Variants in PAM observed in about 807,000 individuals in gnomAD.
PAM encodes peptidyl-glycine alpha-amidating monooxygenase.
A neutral mutation model predicts 122.1 loss-of-function variants in PAM; 72 were observed. The ratio of observed to expected loss-of-function variants is 0.59; its 90% CI spans 0.49 to 0.72. The LOEUF is 0.72. PAM is among the 30% of genes least tolerant of loss of function. The probability of loss-of-function intolerance (pLI) is 0.00; values close to 1 mark genes in which losing one functional copy is unlikely to be tolerated. For missense variants in PAM, 1,106 were observed against 1,183.7 expected, an observed-to-expected ratio of 0.93 and a Z score of 0.96; for synonymous variants, 389 against 404.4, an observed-to-expected ratio of 0.96 and a Z score of 0.46.
chr5:102,906,826 G>A lies in PAM; in HGVS notation c.268+5413G>A, dbSNP rs547872383. 5.3e-5 allele frequency among the ~76,000 whole-genome samples: 8 copies of A among 151,812 alleles called. No individual in the cohort carries two copies. In the South Asian group the frequency reaches 1.7e-3, roughly 31 times the overall value. The stretch of plus-strand genomic sequence containing the variant: ...GAGGACTGGCACAATGTTACGCATA[G>A]CCCTAAAAGGCTAAGGGTATGGGCT... On this transcript the variant is annotated intron_variant, in intron 4 of 25. Transcript: ENST00000438793.
At position 102,908,836 on chromosome 5, in the gene PAM, C is replaced by CAG. The variant is rs1240103168; in HGVS notation, c.269-5097_269-5096dup. ...GCTTCATGGTTATGGGGAAAGCTTG[C>CAG]AGGAGATAATGTAATATGCCATTGT... On this transcript the variant is annotated intron_variant, in intron 4 of 25. Transcript: ENST00000438793. 8.6e-5 allele frequency among the ~76,000 whole-genome samples: 13 copies of CAG among 151,588 alleles called. No individual in the cohort carries two copies. In the East Asian group the frequency reaches 2.5e-3, roughly 30 times the overall value.
intron 21 of PAM, among the ~76,000 whole-genome samples, chr5:103,015,137 G>A (rs1025226046): frequency 6.6e-6 from 1 of 152,070 alleles, no homozygotes; most frequent in African/African-American, 2.4e-5. Flanking sequence ...CTCAAACCTA[G>A]GTCTTTCTGA....
chr5:102,864,163 C>CATAT lies in PAM; in HGVS notation c.-373-1641_-373-1638dup, dbSNP rs373189336. On this transcript the variant is annotated intron_variant, in intron 1 of 25. Transcript: ENST00000438793. ...AAATATTAAAATATAATCCCTTCTT[C>CATAT]ATATATATATATATATATATATTTT... is the stretch of plus-strand genomic sequence containing the variant. Among the ~76,000 whole-genome samples, 394 of 140,602 alleles carry CATAT rather than the reference C, an allele frequency of 2.8e-3. 1 individual carries two copies. The highest frequency in any genetic ancestry group is 3.5e-3 in the Non-Finnish European group (226 of 65,262). 92.2% of individuals were successfully genotyped at this position (140,602 alleles called of 152,430 possible).
intron 1 of PAM, among the ~76,000 whole-genome samples, chr5:102,834,645 A>C (rs1182270015): frequency 6.6e-6 from 1 of 152,140 alleles, no homozygotes; most frequent in Admixed American, 6.5e-5. Flanking sequence ...AGGAAACCAC[A>C]TGGATACATT....
intron 1 of PAM, among the ~76,000 whole-genome samples, chr5:102,788,686 G>A (rs1344912274): frequency 2.0e-5 from 3 of 152,090 alleles, no homozygotes; most frequent in Non-Finnish European, 4.4e-5. Context: ...GGCCAGTGGT[G>A]TTACATCTGA....
At chr5:102,872,284 G>A (rs1787779118) in intron 3 of PAM, among the ~76,000 whole-genome samples, 1 of 152,130 alleles carries the variant, frequency 6.6e-6, no homozygotes, top group Non-Finnish European at 1.5e-5. Context: ...AAGAATCACA[G>A]CAGATACCCC....
chr5:102,788,014 A>G (rs1290685956), intron 1 of PAM, among the ~76,000 whole-genome samples: 1 of 152,116 alleles, frequency 6.6e-6, no homozygotes, highest in Non-Finnish European at 1.5e-5. Context: ...ATCCTTTGCT[A>G]TTCCTCACCG....
intron 3 of PAM, among the ~76,000 whole-genome samples, chr5:102,900,700 G>A (rs1797574682): frequency 6.6e-6 from 1 of 151,538 alleles, no homozygotes; most frequent in African/African-American, 2.4e-5. Context: ...TTCCATTAAG[G>A]AAGTGGAGTA....
At chr5:102,869,942 A>G (rs1786841546) in intron 3 of PAM, among the ~76,000 whole-genome samples, 1 of 152,130 alleles carries the variant, frequency 6.6e-6, no homozygotes, top group African/African-American at 2.4e-5. Context: ...AACAAAATGA[A>G]AAAAAGGTCC....
intron 16 of PAM, among the ~76,000 whole-genome samples, chr5:102,998,810 G>T (rs1020820711): frequency 1.3e-5 from 2 of 152,106 alleles, no homozygotes; most frequent in Admixed American, 1.3e-4. Flanking sequence ...ACATTATTTA[G>T]ATTGCCATTG....
At chr5:102,755,949 G>A (rs1309292218) in intron 1 of PAM, among the ~76,000 whole-genome samples, 1 of 152,032 alleles carries the variant, frequency 6.6e-6, no homozygotes, top group Admixed American at 6.5e-5. Flanking sequence ...AATGTAATAC[G>A]CGGGCGAAGG....
chr5:102,883,539 T>A (rs1014077207), intron 3 of PAM, among the ~76,000 whole-genome samples: 3 of 152,052 alleles, frequency 2.0e-5, no homozygotes, highest in African/African-American at 7.2e-5. Flanking sequence ...ATAGCAGAGC[T>A]ACTGATTTGT....
chr5:102,914,954 A>G (rs935468644), intron 5 of PAM, among the ~76,000 whole-genome samples: 1 of 152,142 alleles, frequency 6.6e-6, no homozygotes, highest in Non-Finnish European at 1.5e-5. Context: ...GAGCTGTAGC[A>G]GATGCTTGGG....
At chr5:102,787,353 T>C (rs1479371923) in intron 1 of PAM, among the ~76,000 whole-genome samples, 1 of 152,082 alleles carries the variant, frequency 6.6e-6, no homozygotes, top group Non-Finnish European at 1.5e-5. Flanking sequence ...CTAGAGTTCT[T>C]ATGTTCTGGG....
intron 7 of PAM, 100 bp downstream of exon 7, chr5:102,926,768 AC>A: frequency 1.5e-6 from 1 of 667,938 alleles, no homozygotes; most frequent in Middle Eastern, 2.5e-4. Flanking sequence ...AATTGCCCAC[AC>A]CCTCTGCCCA....
chr5:102,923,467 A>G (rs1369558807), intron 5 of PAM, among the ~76,000 whole-genome samples: 1 of 152,220 alleles, frequency 6.6e-6, no homozygotes, highest in Admixed American at 6.5e-5. Context: ...ATAGTCTTCA[A>G]GCTTTTCAGA....
intron 1 of PAM, among the ~76,000 whole-genome samples, chr5:102,776,384 G>A (rs1466942292): frequency 4.6e-5 from 7 of 151,990 alleles, no homozygotes; most frequent in Non-Finnish European, 8.8e-5. Flanking sequence ...AATTGCTTTT[G>A]ATGTTTTTGT....
chr5:102,842,328 G>T (rs1778866384), intron 1 of PAM, among the ~76,000 whole-genome samples: 1 of 151,820 alleles, frequency 6.6e-6, no homozygotes, highest in South Asian at 2.1e-4. Flanking sequence ...ATGTGTTGTG[G>T]GAGGGACCTG....
At position 102,900,873 on chromosome 5, in the gene PAM, T is replaced by A. The variant is rs141314549; in HGVS notation, c.211-483T>A. Among the ~76,000 whole-genome samples, 374 of 151,662 alleles carry A rather than the reference T, an allele frequency of 2.5e-3. 8 individuals carry two copies. Among genetic ancestry groups the A allele is most frequent in the Admixed American group, 0.021 (320 of 15,180 alleles). On this transcript the variant is annotated intron_variant, in intron 3 of 25. Coordinates refer to ENST00000438793, the MANE Select transcript of PAM (RefSeq NM_001177306.2). ...TTCTTCAATGTATTACATAAAAAAA[T>A]TTAAAGTAAGGGAGGGCAACCAAAA...
Sources: allele counts gnomAD v4.1 joint callset (sites outside exome capture counted in the v4.1 genomes callset), GRCh38; gene constraint gnomAD v4.1.1; transcripts MANE v1.5; gene names NCBI Gene and HGNC (gene_info 2026-07-23, HGNC 2026-07-21).